Variants in SDC2 observed in about 807,000 individuals in gnomAD.
SDC2 encodes the protein syndecan-2.
A neutral mutation model predicts 22.2 loss-of-function variants in SDC2; 13 were observed. That is an observed-to-expected ratio of 0.59 (90% CI 0.38 to 0.93). The LOEUF (loss-of-function observed/expected upper bound fraction) is 0.93, where lower values mean the gene tolerates loss of function less well. SDC2 is among the 40% of genes least tolerant of loss of function. SDC2 has a pLI of 0.00. For synonymous variants in SDC2, 94 were observed against 92.8 expected, an observed-to-expected ratio of 1.01 and a Z score of -0.07; for missense variants, 235 against 246.8, an observed-to-expected ratio of 0.95 and a Z score of 0.32.
chr8:96,508,350 G>T (rs1037361575), intron 1 of SDC2, among the ~76,000 whole-genome samples: 1 of 146,798 alleles, frequency 6.8e-6, no homozygotes, highest in African/African-American at 2.5e-5. Flanking sequence ...ATAATTAGCC[G>T]GGTGTGGTCG....
intron 1 of SDC2, among the ~76,000 whole-genome samples, chr8:96,524,054 C>T (rs1307497594): frequency 3.9e-5 from 6 of 152,146 alleles, no homozygotes; most frequent in African/African-American, 1.4e-4. Context: ...GAATGTTTTA[C>T]AGACAGTGAG....
intron 1 of SDC2, among the ~76,000 whole-genome samples, chr8:96,513,684 G>A (rs1246674677): frequency 6.6e-6 from 1 of 152,198 alleles, no homozygotes; most frequent in Admixed American, 6.5e-5. Flanking sequence ...GTAACGTCAT[G>A]ACTTGCACCT....
chr8:96,528,051 T>C (rs894535945), intron 1 of SDC2, among the ~76,000 whole-genome samples: 1 of 126,548 alleles, frequency 7.9e-6, no homozygotes, highest in African/African-American at 3.0e-5. Context: ...TTCAAAACTT[T>C]TTTTAGCGTA....
At position 96,529,841 on chromosome 8, in the gene SDC2, C is replaced by G. The variant is rs544935883; in HGVS notation, c.60+35510C>G. Among the ~76,000 whole-genome samples, 8 of 141,332 alleles carry G rather than the reference C, an allele frequency of 5.7e-5. No homozygotes were observed. The South Asian group carries it at 1.3e-3, about 23-fold the overall frequency. The allele number at this position is 141,332 out of a possible 152,430, so 92.7% of individuals were successfully genotyped here. On this transcript the variant is annotated intron_variant, in intron 1 of 4. Coordinates refer to ENST00000302190, the MANE Select transcript of SDC2 (RefSeq NM_002998.4). The stretch of plus-strand genomic sequence containing the variant: ...CCTGGTGTGTATATGGTTAGAAGTT[C>G]CGGTGCCCACTTAGCTGAGCCACAG...
At chr8:96,537,319 T>G (rs1020608512) in intron 1 of SDC2, 1 of 152,166 alleles carries the variant, frequency 6.6e-6, no homozygotes, top group African/African-American at 2.4e-5. Flanking sequence ...AAAACCCCAC[T>G]CTGATTCTAA....
At chr8:96,538,362 C>G (rs879783127) in intron 1 of SDC2, among the ~76,000 whole-genome samples, 3 of 152,014 alleles carry the variant, frequency 2.0e-5, no homozygotes, top group Non-Finnish European at 4.4e-5. Context: ...GAATGTACCT[C>G]TTAAATACAC....
intron 1 of SDC2, chr8:96,580,288 C>T (rs768811087): frequency 1.8e-5 from 11 of 614,014 alleles, no homozygotes; most frequent in South Asian, 7.2e-5. Flanking sequence ...GGGCAAGAAG[C>T]GTGTCATTTT....
chr8:96,601,117 C>T (rs565549213), intron 2 of SDC2, among the ~76,000 whole-genome samples: 195 of 152,182 alleles, frequency 1.3e-3, no homozygotes, highest in African/African-American at 4.5e-3. Context: ...AGGGTTTGTC[C>T]GGAAGCAGAT....
In SDC2 at chr8:96,609,789, T is replaced by TC. The variant is rs1815145665; in HGVS notation, c.*242dup. On this transcript the variant is annotated 3_prime_UTR_variant, in exon 5 of 5. Transcript: ENST00000302190. ...GCAAAATATTATGTTATGAAAACCC[T>TC]CGATGTTCATGGAATTGGTTTAAAC... 4 of 331,888 alleles carry TC rather than the reference T, an allele frequency of 1.2e-5. No homozygotes were observed. In the East Asian group the frequency reaches 1.4e-4, roughly 12 times the overall value. 20.6% of individuals were successfully genotyped at this position (331,888 alleles called of 1,614,324 possible).
intron 1 of SDC2, among the ~76,000 whole-genome samples, chr8:96,533,237 C>G (rs900778077): frequency 7.9e-5 from 12 of 152,100 alleles, no homozygotes; most frequent in African/African-American, 2.9e-4. Context: ...GGAAGGGGGA[C>G]CCGAGCAGGT....
At chr8:96,552,774 G>A (rs1311731496) in intron 1 of SDC2, among the ~76,000 whole-genome samples, 1 of 152,146 alleles carries the variant, frequency 6.6e-6, no homozygotes, top group Non-Finnish European at 1.5e-5. Context: ...CTTTAAAATT[G>A]TTGAGTGTAT....
Position 96,506,448 on chromosome 8 carries a change from TCATATATTATATACATTA to T in SDC2, c.60+12125_60+12142del, listed in dbSNP as rs530377638. ...AATATATACTTATATATTATACACATCATATATTATATACATTACATATATGTATCCGGTGAAAACTTA... is the reference window on the plus strand; with the variant it reads ...AATATATACTTATATATTATACACATCATATATGTATCCGGTGAAAACTTA... On this transcript the variant is annotated intron_variant, in intron 1 of 4. Transcript: ENST00000302190. Among the ~76,000 whole-genome samples the T allele has an allele frequency of 3.6e-3, 544 of 152,138 alleles. 6 individuals carry two copies. Among genetic ancestry groups the T allele is most frequent in the African/African-American group, 0.013 (519 of 41,506 alleles).
At chr8:96,532,454 A>G (rs556888348) in intron 1 of SDC2, among the ~76,000 whole-genome samples, 21 of 90,304 alleles carry the variant, frequency 2.3e-4, no homozygotes, top group African/African-American at 8.6e-4. Flanking sequence ...TTTGTTTGGG[A>G]AAAAAAAGAA....
intron 1 of SDC2, among the ~76,000 whole-genome samples, chr8:96,554,569 T>C (rs2582843): frequency 0.72 from 109,577 of 151,972 alleles, 40,459 homozygotes; most frequent in Non-Finnish European, 0.82. Flanking sequence ...TTTTATCTGG[T>C]TCATTTTTCA....
Position 96,561,118 on chromosome 8 carries a change from A to C in SDC2, c.61-32362A>C, listed in dbSNP as rs183466046. Among the ~76,000 whole-genome samples the C allele has an allele frequency of 2.0e-4, 31 of 152,272 alleles. No homozygotes were observed. The East Asian group carries it at 5.6e-3, about 27-fold the overall frequency. Reference sequence around the variant, plus strand: ...GATGCTGTCTCAAAATAATAATAATAATCATAATAATAATTAAAAGAGAGA... The same window carrying C: ...GATGCTGTCTCAAAATAATAATAATCATCATAATAATAATTAAAAGAGAGA... On this transcript the variant is annotated intron_variant, in intron 1 of 4. Transcript: ENST00000302190.
At chr8:96,568,749 T>C (rs1173103408) in intron 1 of SDC2, among the ~76,000 whole-genome samples, 1 of 152,200 alleles carries the variant, frequency 6.6e-6, no homozygotes, top group African/African-American at 2.4e-5. Flanking sequence ...GAAGTATGGG[T>C]CTTTAGTCCT....
In SDC2 at chr8:96,566,212, T is replaced by G. The variant is rs190588990; in HGVS notation, c.61-27268T>G. Among the ~76,000 whole-genome samples, 6 of 152,360 alleles carry G rather than the reference T, an allele frequency of 3.9e-5. No homozygotes were observed. In the East Asian group the frequency reaches 1.2e-3, roughly 29 times the overall value. ...ACTTTCTCATGGGCTTCTTAGATGT[T>G]TCTCTTAAAGGCAGAATTTTAATTT... is the stretch of plus-strand genomic sequence containing the variant. On this transcript the variant is annotated intron_variant, in intron 1 of 4. Transcript: ENST00000302190.
At chr8:96,511,862 C>T (rs567963791) in intron 1 of SDC2, among the ~76,000 whole-genome samples, 2 of 151,348 alleles carry the variant, frequency 1.3e-5, no homozygotes, top group African/African-American at 2.4e-5. Flanking sequence ...GTTAGATTCA[C>T]TTTCAGGTTT....
intron 1 of SDC2, among the ~76,000 whole-genome samples, chr8:96,548,550 T>C (rs1813973056): frequency 6.6e-6 from 1 of 152,254 alleles, no homozygotes; most frequent in Non-Finnish European, 1.5e-5. Flanking sequence ...TGATTCATCT[T>C]GACAGAGGGA....
Sources: gnomAD v4.1 joint callset for allele counts (sites outside exome capture counted in the v4.1 genomes callset) on GRCh38, gnomAD v4.1.1 for gene constraint, MANE v1.5 for transcripts, NCBI Gene and HGNC (gene_info 2026-07-23, HGNC 2026-07-21) for gene names.